Variants in PGPEP1 observed in about 807,000 individuals in gnomAD.
The protein encoded by PGPEP1 is pyroglutamyl-peptidase I.
Under a neutral mutation model 24.1 loss-of-function variants are expected in PGPEP1, and 15 were observed. That is an observed-to-expected ratio of 0.62 (90% CI 0.42 to 0.96). PGPEP1 has a LOEUF of 0.96. PGPEP1 is among the 40% of genes least tolerant of loss of function. PGPEP1 has a pLI of 0.00. For missense variants in PGPEP1, 242 were observed against 273.4 expected, an observed-to-expected ratio of 0.89 and a Z score of 0.81; for synonymous variants, 122 against 116.4, an observed-to-expected ratio of 1.05 and a Z score of -0.31.
chr19:18,340,608 C>T lies in PGPEP1; in HGVS notation c.-74C>T. On this transcript the variant is annotated 5_prime_UTR_variant, in exon 1 of 5. Coordinates refer to ENST00000269919, the MANE Select transcript of PGPEP1 (RefSeq NM_017712.4). Reference sequence around the variant, plus strand: ...TGACAGGGGCGTGGCCTCGCGCGGCCGAGAGGCTGCAGCGGCAGCAGCTGT... The same window carrying T: ...TGACAGGGGCGTGGCCTCGCGCGGCTGAGAGGCTGCAGCGGCAGCAGCTGT... 2.1e-6 allele frequency: 3 copies of T among 1,408,714 alleles called. No individual in the cohort carries two copies. Among genetic ancestry groups the T allele is most frequent in the Non-Finnish European group, 2.8e-6 (3 of 1,054,316 alleles). The allele number at this position is 1,408,714 out of a possible 1,614,324, so 87.3% of individuals were successfully genotyped here. A position where few individuals can be genotyped will look rare whatever the true frequency, so the allele number is the denominator to read the frequency against.
chr19:18,361,532 A>G (rs1361881946), intron 4 of PGPEP1, among the ~76,000 whole-genome samples: 7 of 151,434 alleles, frequency 4.6e-5, no homozygotes, highest in Non-Finnish European at 1.0e-4. Flanking sequence ...GGATCCTCCC[A>G]CTTCAGCCTC....
At position 18,365,232 on chromosome 19, in the gene PGPEP1, C is replaced by T. The variant is rs568549224; in HGVS notation, c.*1649C>T. 3 of 152,258 alleles carry T rather than the reference C, an allele frequency of 2.0e-5. No homozygotes were observed. The highest frequency in any genetic ancestry group is 2.9e-5 in the Non-Finnish European group (2 of 68,018). The allele number at this position is 152,258 out of a possible 1,614,324, so 9.4% of individuals were successfully genotyped here. A position where few individuals can be genotyped will look rare whatever the true frequency, so the allele number is the denominator to read the frequency against. ...AGTGAAAGTAATTGAGTGAAATGCA[C>T]GTTCTGGAAATCAGTTTCTATTTTG... is the stretch of plus-strand genomic sequence containing the variant. On this transcript the variant is annotated 3_prime_UTR_variant, in exon 5 of 5. Coordinates refer to ENST00000269919, the MANE Select transcript of PGPEP1 (RefSeq NM_017712.4).
chr19:18,357,952 A>G lies in PGPEP1; in HGVS notation c.437+337A>G, dbSNP rs1027210833. ...GTGTTAATTTCCTGGAGCTGCTATA[A>G]CAAATACCCACAAACTGGGTGGTTT... On this transcript the variant is annotated intron_variant, in intron 4 of 4. Coordinates refer to ENST00000269919, the MANE Select transcript of PGPEP1 (RefSeq NM_017712.4). 33 of 334,522 alleles carry G rather than the reference A, an allele frequency of 9.9e-5. No individual in the cohort carries two copies. In the Admixed American group the frequency reaches 1.1e-3, roughly 11 times the overall value. The allele number at this position is 334,522 out of a possible 1,614,324, so 20.7% of individuals were successfully genotyped here.
chr19:18,359,508 CTTT>C (rs34626308), intron 4 of PGPEP1, among the ~76,000 whole-genome samples: 20 of 126,048 alleles, frequency 1.6e-4, no homozygotes, highest in Admixed American at 2.5e-4. Flanking sequence ...TCTTTCCAGT[CTTT>C]TTTTTTTTTT....
intron 2 of PGPEP1, among the ~76,000 whole-genome samples, chr19:18,345,052 G>A (rs372118365): frequency 3.9e-4 from 59 of 152,116 alleles, no homozygotes; most frequent in African/African-American, 1.4e-3. Context: ...CCAGACTGGA[G>A]TGCAATGTCA....
chr19:18,359,590 C>T (rs1971284800), intron 4 of PGPEP1, among the ~76,000 whole-genome samples: 2 of 151,594 alleles, frequency 1.3e-5, no homozygotes, highest in Non-Finnish European at 2.9e-5. Context: ...TCACTGCAAC[C>T]TCCGCCTCTG....
At chr19:18,346,462 G>A (rs766088133) in intron 2 of PGPEP1, among the ~76,000 whole-genome samples, 2 of 151,744 alleles carry the variant, frequency 1.3e-5, no homozygotes, top group African/African-American at 4.8e-5. Flanking sequence ...CATCCTTCAG[G>A]GACCCCCTAA....
At chr19:18,353,560 G>A (rs1380828821) in intron 2 of PGPEP1, among the ~76,000 whole-genome samples, 1 of 152,080 alleles carries the variant, frequency 6.6e-6, no homozygotes, top group African/African-American at 2.4e-5. Context: ...TACACTCACT[G>A]TGTTGCGCAA....
At chr19:18,343,002 AC>A in intron 2 of PGPEP1, 91 bp downstream of exon 2, 1 of 952,014 alleles carries the variant, frequency 1.1e-6, no homozygotes, top group Non-Finnish European at 1.6e-6. Context: ...TTTAACAAAA[AC>A]TTTTTTTTTT....
In PGPEP1 at chr19:18,364,820, T is replaced by C. The variant is rs1041832748; in HGVS notation, c.*1237T>C. ...TGTGGAAAGGCGGATTTTGTCTGCT[T>C]TTGACTTTTCTTTTTTAATATGTAA... On this transcript the variant is annotated 3_prime_UTR_variant, in exon 5 of 5. Transcript: ENST00000269919. 5 of 152,044 alleles carry C rather than the reference T, an allele frequency of 3.3e-5. No homozygotes were observed. The highest frequency in any genetic ancestry group is 1.5e-5 in the Non-Finnish European group (1 of 68,040). 9.4% of individuals were successfully genotyped at this position (152,044 alleles called of 1,614,324 possible).
At chr19:18,356,033 C>T (rs761301026) in intron 3 of PGPEP1, 22 bp downstream of exon 3, 20 of 1,414,384 alleles carry the variant, frequency 1.4e-5, no homozygotes, top group Non-Finnish European at 1.8e-5. Flanking sequence ...CAAGGGGCGG[C>T]ACTTCCTCAT....
At chr19:18,346,149 G>T (rs980545168) in intron 2 of PGPEP1, among the ~76,000 whole-genome samples, 9 of 151,984 alleles carry the variant, frequency 5.9e-5, no homozygotes, top group African/African-American at 1.7e-4. Context: ...ACTTTTTTGC[G>T]CCAGTAGGTG....
intron 1 of PGPEP1, among the ~76,000 whole-genome samples, chr19:18,341,603 G>T (rs1443942371): frequency 6.6e-6 from 1 of 152,190 alleles, no homozygotes; most frequent in Non-Finnish European, 1.5e-5. Flanking sequence ...TGCTTAACAG[G>T]TGTGTATAAT....
intron 4 of PGPEP1, chr19:18,361,640 C>A: frequency 3.0e-6 from 2 of 675,770 alleles, no homozygotes; most frequent in Non-Finnish European, 3.7e-6. Context: ...TAGAACATAT[C>A]CTCATATGTC....
Position 18,369,668 on chromosome 19 carries a change from C to T in PGPEP1, c.*6085C>T, listed in dbSNP as rs959602710. The T allele has an allele frequency of 2.0e-5, 3 of 152,172 alleles. No individual in the cohort carries two copies. The highest frequency in any genetic ancestry group is 4.4e-5 in the Non-Finnish European group (3 of 68,022). 9.4% of individuals were successfully genotyped at this position (152,172 alleles called of 1,614,324 possible). ...GGCTTGGTTCTGGGGGCTCCTCTAACATCTCAGGTTTTTATCTTGTCTTAA... is the reference window on the plus strand; with the variant it reads ...GGCTTGGTTCTGGGGGCTCCTCTAATATCTCAGGTTTTTATCTTGTCTTAA... On this transcript the variant is annotated 3_prime_UTR_variant, in exon 5 of 5. Coordinates refer to ENST00000269919, the MANE Select transcript of PGPEP1 (RefSeq NM_017712.4).
chr19:18,351,038 C>A (rs1003390894), intron 2 of PGPEP1, among the ~76,000 whole-genome samples: 1 of 152,130 alleles, frequency 6.6e-6, no homozygotes, highest in Non-Finnish European at 1.5e-5. Context: ...TTTTGGGAGG[C>A]CAAGGTGGGC....
At chr19:18,348,710 A>C (rs550340948) in intron 2 of PGPEP1, among the ~76,000 whole-genome samples, 10 of 152,200 alleles carry the variant, frequency 6.6e-5, no homozygotes, top group Non-Finnish European at 1.3e-4. Context: ...GATAATTTAC[A>C]TCAGGCAATG....
In PGPEP1 at chr19:18,363,558, A is replaced by G. The variant is rs1971418719; in HGVS notation, c.605A>G (p.Lys202Arg). The change falls in exon 5 of 5, where the codon AAA becomes AGA. Residue 202 changes from lysine to arginine, a missense_variant. Physicochemically the swap from Lys to Arg is conservative, Grantham distance 26 (BLOSUM62 2). Coordinates refer to ENST00000269919, the MANE Select transcript of PGPEP1 (RefSeq NM_017712.4). ...GACCTCCTGGAGCAGTCAGAGGGCA[A>G]AATCAACTATTGCCACAAACACTGA... The part of the protein sequence containing the change: ...MLDLLEQSEG[K>R]INYCHKH The G allele has an allele frequency of 6.2e-7, 1 of 1,613,736 alleles. No individual in the cohort carries two copies. The highest frequency in any genetic ancestry group is 1.3e-5 in the African/African-American group (1 of 74,918).
At chr19:18,362,534 T>G (rs536741454) in intron 4 of PGPEP1, among the ~76,000 whole-genome samples, 5 of 152,034 alleles carry the variant, frequency 3.3e-5, no homozygotes, top group African/African-American at 9.6e-5. Context: ...CAGAACAGCC[T>G]GGCCAGCATG....
Sources: allele counts gnomAD v4.1 joint callset (sites outside exome capture counted in the v4.1 genomes callset), GRCh38; gene constraint gnomAD v4.1.1; transcripts MANE v1.5; gene names NCBI Gene and HGNC (gene_info 2026-07-23, HGNC 2026-07-21).